The following MKNK1 variants were observed in gnomAD, a reference collection of about 807,000 sequenced individuals.
MKNK1 encodes MAP kinase-interacting serine/threonine-protein kinase 1.
MKNK1 carries 30 observed loss-of-function variants against 49.3 expected under a neutral mutation model. The ratio of observed to expected loss-of-function variants is 0.61; its 90% CI spans 0.46 to 0.83. MKNK1 has a LOEUF of 0.83. Among genes scored for constraint, MKNK1 ranks in the 40% least tolerant of loss-of-function variants. The pLI is 0.00. For synonymous variants in MKNK1, 176 were observed against 201.7 expected, an observed-to-expected ratio of 0.87 and a Z score of 1.08; for missense variants, 423 against 524.7, an observed-to-expected ratio of 0.81 and a Z score of 1.89.
Position 46,565,046 on chromosome 1 carries a change from T to A in MKNK1, c.604A>T (p.Thr202Ser). 6.2e-7 allele frequency: 1 copy of A among 1,613,796 alleles called. No individual in the cohort carries two copies. The change falls in exon 9 of 13, where the codon ACC (threonine) becomes TCC (serine). Residue 202 changes from threonine to serine, a missense_variant. By Grantham distance (58) the Thr-to-Ser change is moderately conservative (BLOSUM62 1). Transcript: ENST00000371945. Reference protein sequence around the residue: ...CTPITTPELTTPCGSAEYMAP... With the variant: ...CTPITTPELTSPCGSAEYMAP... ...CCCAGAGGAAGCATACGTACTGGGGTGGTCAGCTCTGGTGTGGTTATGGGG... is the reference window on the plus strand; with the variant it reads ...CCCAGAGGAAGCATACGTACTGGGGAGGTCAGCTCTGGTGTGGTTATGGGG...
intron 8 of MKNK1, among the ~76,000 whole-genome samples, chr1:46,567,797 G>A (rs1003513131): frequency 1.3e-4 from 20 of 152,140 alleles, no homozygotes; most frequent in Non-Finnish European, 2.1e-4. Flanking sequence ...ATACACTTCC[G>A]TTTACTTAAA....
intron 7 of MKNK1, among the ~76,000 whole-genome samples, chr1:46,570,783 C>T (rs917277001): frequency 6.6e-6 from 1 of 152,206 alleles, no homozygotes; most frequent in African/African-American, 2.4e-5. Flanking sequence ...TGGAGGAAAT[C>T]GTTATTTATT....
At chr1:46,586,029 T>C in intron 2 of MKNK1, 1 of 869,114 alleles carries the variant, frequency 1.2e-6, no homozygotes, top group Admixed American at 2.1e-5. Context: ...ATGCTTAGCT[T>C]CCCTGGTTAC....
intron 12 of MKNK1, 59 bp downstream of exon 12, chr1:46,560,175 C>T (rs1218834730): frequency 1.3e-6 from 2 of 1,596,018 alleles, no homozygotes; most frequent in African/African-American, 2.7e-5. Context: ...CGGCCCCCAC[C>T]CCCATGGTGG....
intron 7 of MKNK1, chr1:46,571,562 AAG>A (rs1428057841): frequency 2.3e-6 from 1 of 437,972 alleles, no homozygotes; most frequent in South Asian, 1.6e-5. Context: ...AAAAAGGAAA[AAG>A]AAAAATAGAT....
chr1:46,559,315 T>C (rs1013856502), intron 12 of MKNK1, among the ~76,000 whole-genome samples: 1 of 152,198 alleles, frequency 6.6e-6, no homozygotes, highest in African/African-American at 2.4e-5. Flanking sequence ...GAGAGTCAGG[T>C]AGGAACCCAA....
intron 5 of MKNK1, chr1:46,575,439 C>T (rs547991940): frequency 2.7e-4 from 43 of 161,026 alleles, no homozygotes; most frequent in African/African-American, 4.8e-5. Context: ...CCATAAATCA[C>T]GGGGCAGTAT....
At chr1:46,562,505 TG>T in intron 10 of MKNK1, 143 bp downstream of exon 10, 1 of 925,792 alleles carries the variant, frequency 1.1e-6, no homozygotes, top group Non-Finnish European at 1.5e-6. Context: ...TTTTACCTTG[TG>T]GCCACCGTGA....
Position 46,558,753 on chromosome 1 carries a change from G to A in MKNK1, c.1061C>T (p.Ala354Val), listed in dbSNP as rs1448028561. 1 of 1,614,112 alleles carries A rather than the reference G, an allele frequency of 6.2e-7. No homozygotes were observed. The highest frequency in any genetic ancestry group is 1.7e-5 in the Admixed American group (1 of 60,010). The change falls in exon 13 of 13, where the codon GCC becomes GTC. Residue 354 changes from alanine to valine, a missense_variant. Transcript: ENST00000371945. ...DLTLFAAEAI[A>V]LNRQLSQHEE... is the part of the protein sequence containing the mutation. ...GTGCTGAGATAGCTGGCGGTTAAGG[G>A]CGATGGCCTCAGCTGCGAAGAGCGT...
intron 7 of MKNK1, among the ~76,000 whole-genome samples, chr1:46,570,969 G>T (rs1472112094): frequency 6.6e-6 from 1 of 152,124 alleles, no homozygotes; most frequent in African/African-American, 2.4e-5. Context: ...TCACCATAGG[G>T]TAGGCATTAT....
chr1:46,572,225 T>C, intron 6 of MKNK1, 58 bp from the exon 7 acceptor site: 1 of 1,455,464 alleles, frequency 6.9e-7, no homozygotes, highest in Admixed American at 1.8e-5. Context: ...AGTATAAGTT[T>C]TTTTTTTAGA....
intron 1 of MKNK1, among the ~76,000 whole-genome samples, chr1:46,599,653 C>CAGGG (rs1489451363): frequency 6.6e-6 from 1 of 152,232 alleles, no homozygotes; most frequent in African/African-American, 2.4e-5. Flanking sequence ...GAGCGCCAGT[C>CAGGG]AGGGCATTTG....
chr1:46,567,509 A>C (rs1053838642), intron 8 of MKNK1, among the ~76,000 whole-genome samples: 9 of 152,274 alleles, frequency 5.9e-5, no homozygotes, highest in African/African-American at 2.2e-4. Context: ...TAATCATCAT[A>C]ATAATGATAA....
intron 9 of MKNK1, among the ~76,000 whole-genome samples, chr1:46,563,351 T>C (rs975476903): frequency 2.0e-5 from 3 of 152,152 alleles, no homozygotes; most frequent in East Asian, 1.9e-4. Flanking sequence ...CTCCCATTTA[T>C]AGATGGCAAG....
At chr1:46,559,359 G>T (rs969552601) in intron 12 of MKNK1, among the ~76,000 whole-genome samples, 4 of 152,226 alleles carry the variant, frequency 2.6e-5, no homozygotes, top group African/African-American at 9.6e-5. Flanking sequence ...CACGAATTGC[G>T]ATTATGGAGG....
At chr1:46,585,239 G>T (rs1424020305) in intron 2 of MKNK1, among the ~76,000 whole-genome samples, 1 of 64,530 alleles carries the variant, frequency 1.5e-5, no homozygotes, top group Non-Finnish European at 2.9e-5. Context: ...GACAGAGCAA[G>T]ATTCCGTCTC....
At position 46,558,215 on chromosome 1, in the gene MKNK1, C is replaced by A. The variant is rs1280436783; in HGVS notation, c.*360G>T. ...CTCTGTCAACTGATGCTTCTTGCTTCTCCCTGCAGGCTGCAGCCCCAGCCG... is the reference window on the plus strand; with the variant it reads ...CTCTGTCAACTGATGCTTCTTGCTTATCCCTGCAGGCTGCAGCCCCAGCCG... On this transcript the variant is annotated 3_prime_UTR_variant, in exon 13 of 13. Coordinates refer to ENST00000371945, the MANE Select transcript of MKNK1 (RefSeq NM_001135553.4). 1 of 217,736 alleles carries A rather than the reference C, an allele frequency of 4.6e-6. No individual in the cohort carries two copies. Among genetic ancestry groups the A allele is most frequent in the East Asian group, 1.0e-4 (1 of 9,894 alleles). 13.5% of individuals were successfully genotyped at this position (217,736 alleles called of 1,614,324 possible).
At chr1:46,573,360 C>A (rs957825669) in intron 6 of MKNK1, among the ~76,000 whole-genome samples, 2 of 152,230 alleles carry the variant, frequency 1.3e-5, no homozygotes, top group Non-Finnish European at 2.9e-5. Context: ...CTGCATGTAG[C>A]ATTTCAAACA....
chr1:46,566,277 T>G (rs1669048651), intron 8 of MKNK1, among the ~76,000 whole-genome samples: 1 of 152,256 alleles, frequency 6.6e-6, no homozygotes. Context: ...TTGGCTTATT[T>G]CACTTAGCAT....
Sources: allele counts gnomAD v4.1 joint callset (sites outside exome capture counted in the v4.1 genomes callset), GRCh38; gene constraint gnomAD v4.1.1; transcripts MANE v1.5; gene names NCBI Gene and HGNC (gene_info 2026-07-23, HGNC 2026-07-21).